Variants in HHLA1 observed in about 807,000 individuals in gnomAD.
The protein encoded by HHLA1 is HHLA1 neighbor of OC90, also known as HERV-H LTR-associating protein 1.
In HHLA1, 72 loss-of-function variants were observed where a neutral mutation model predicts 69.9. That is an observed-to-expected ratio of 1.03 (90% CI 0.85 to 1.25). The LOEUF is 1.25. Ranked by LOEUF, HHLA1 falls within the 50% of genes most tolerant of loss-of-function variation. HHLA1 has a pLI of 0.00. For synonymous variants in HHLA1, 252 were observed against 233.2 expected (o/e 1.08, Z -0.73); for missense variants, 685 against 642.2 (o/e 1.07, Z -0.72).
chr8:132,065,843 G>A, intron 16 of HHLA1, 43 bp downstream of exon 16: 1 of 931,164 alleles, frequency 1.1e-6, no homozygotes, highest in Non-Finnish European at 1.5e-6. Context: ...TTTGTGTAAT[G>A]CATTCACTGC....
At chr8:132,064,286 A>C (rs991404787) in intron 16 of HHLA1, among the ~76,000 whole-genome samples, 1 of 152,230 alleles carries the variant, frequency 6.6e-6, no homozygotes, top group Non-Finnish European at 1.5e-5. Flanking sequence ...TCACTGCCCA[A>C]TGCTCTTTTC....
chr8:132,102,258 G>T (rs994933214), intron 3 of HHLA1, among the ~76,000 whole-genome samples: 1 of 152,234 alleles, frequency 6.6e-6, no homozygotes, highest in South Asian at 2.1e-4. Flanking sequence ...GGACATTTAG[G>T]TTGCTATCTT....
rs199808141 is a variant in HHLA1 at position 132,070,585 on chromosome 8, T to TCTCAA, written c.1469+750_1469+754dup. Among the ~76,000 whole-genome samples, 10 of 152,018 alleles carry TCTCAA rather than the reference T, an allele frequency of 6.6e-5. No individual in the cohort carries two copies. The South Asian group carries it at 1.7e-3, about 25-fold the overall frequency. ...TCTAAACTCAACACAATTCAACTTA[T>TCTCAA]CTCAACTCAACTCAACTCATCTCAA... On this transcript the variant is annotated intron_variant, in intron 15 of 16. Transcript: ENST00000414222.
At chr8:132,109,731 A>G (rs1013948155) in intron 1 of HHLA1, among the ~76,000 whole-genome samples, 2 of 152,310 alleles carry the variant, frequency 1.3e-5, no homozygotes, top group East Asian at 1.9e-4. Flanking sequence ...CTCAGATACT[A>G]AAGTCCCTTG....
rs1021978865 is a variant in HHLA1, at chr8:132,071,448, G to A, written c.1361C>T (p.Pro454Leu). Residue 454 changes from proline to leucine, a missense_variant, in exon 15 of 17, where the codon CCT becomes CTT. Coordinates refer to ENST00000414222, the MANE Select transcript of HHLA1 (RefSeq NM_001145095.3). ...LFKVGAMAAAPLTLAIQRLNP... is the reference protein window; with the variant it reads ...LFKVGAMAAALLTLAIQRLNP... ...GAGCCTCTGAATAGCCAGGGTGAGA[G>A]GAGCAGCTGCCATAGCTCCCACCTT... The A allele has an allele frequency of 2.1e-5, 32 of 1,551,530 alleles. No individual in the cohort carries two copies. Among genetic ancestry groups the A allele is most frequent in the East Asian group, 4.9e-5 (2 of 40,926 alleles).
intron 7 of HHLA1, among the ~76,000 whole-genome samples, chr8:132,092,068 G>A (rs4736402): frequency 0.9 from 137,328 of 152,244 alleles, 62,249 homozygotes; most frequent in Middle Eastern, 0.95. Context: ...TGTGAAGGAT[G>A]AGGCATACTT....
chr8:132,100,006 G>A (rs1336421024), intron 4 of HHLA1, 69 bp downstream of exon 4: 4 of 1,131,354 alleles, frequency 3.5e-6, no homozygotes, highest in African/African-American at 1.5e-5. Flanking sequence ...AAAGAACAGA[G>A]GTCTAGAGAA....
At chr8:132,077,122 A>C (rs1823658799) in intron 12 of HHLA1, among the ~76,000 whole-genome samples, 1 of 152,136 alleles carries the variant, frequency 6.6e-6, no homozygotes, top group Non-Finnish European at 1.5e-5. Flanking sequence ...AAGCTCAAGC[A>C]GGCAAGTTCC....
chr8:132,080,322 G>C, intron 10 of HHLA1: 1 of 361,656 alleles, frequency 2.8e-6, no homozygotes, highest in Non-Finnish European at 5.4e-6. Flanking sequence ...CAGGCGGGCT[G>C]AGTCCGAAAA....
rs1823388584 is a variant in HHLA1 at position 132,063,611 on chromosome 8, A to G, written c.*384T>C. The G allele has an allele frequency of 6.5e-6, 1 of 154,638 alleles. No individual in the cohort carries two copies. The highest frequency in any genetic ancestry group is 1.4e-5 in the Non-Finnish European group (1 of 69,316). 9.6% of individuals were successfully genotyped at this position (154,638 alleles called of 1,614,324 possible). Reference sequence around the variant, plus strand: ...TTTAAGTCACCTCAGGTATTGTGTCAGAGTCTCCATGGCTGAACTGGTTTG... The same window carrying G: ...TTTAAGTCACCTCAGGTATTGTGTCGGAGTCTCCATGGCTGAACTGGTTTG... On this transcript the variant is annotated 3_prime_UTR_variant, in exon 17 of 17. Coordinates refer to ENST00000414222, the MANE Select transcript of HHLA1 (RefSeq NM_001145095.3).
At position 132,066,028 on chromosome 8, in the gene HHLA1, G is replaced by A. The variant is rs138904963; in HGVS notation, c.1470-60C>T. 51 of 711,024 alleles carry A rather than the reference G, an allele frequency of 7.2e-5. No homozygotes were observed. In the African/African-American group the frequency reaches 8.8e-4, roughly 12 times the overall value. 44.0% of individuals were successfully genotyped at this position (711,024 alleles called of 1,614,324 possible). A position where few individuals can be genotyped will look rare whatever the true frequency, so the allele number is the denominator to read the frequency against. On this transcript the variant is annotated intron_variant, in intron 15 of 16. Coordinates refer to ENST00000414222, the MANE Select transcript of HHLA1 (RefSeq NM_001145095.3). ...ATCCTGTGATGGCTATTAGAAGACA[G>A]CCAGAGTTTTAAAGGTAAGCACATA... is the stretch of plus-strand genomic sequence containing the variant.
chr8:132,095,123 C>T (rs1333987091), intron 7 of HHLA1, among the ~76,000 whole-genome samples: 2 of 152,132 alleles, frequency 1.3e-5, no homozygotes, highest in Non-Finnish European at 2.9e-5. Context: ...ACATTGTGCT[C>T]TTTGTATTTT....
At chr8:132,064,882 C>T (rs953831540) in intron 16 of HHLA1, among the ~76,000 whole-genome samples, 1 of 152,104 alleles carries the variant, frequency 6.6e-6, no homozygotes, top group Non-Finnish European at 1.5e-5. Context: ...TTCTTCAGGA[C>T]CCAAATGGAA....
intron 12 of HHLA1, among the ~76,000 whole-genome samples, chr8:132,077,264 G>A (rs1823661266): frequency 6.6e-6 from 1 of 152,130 alleles, no homozygotes; most frequent in African/African-American, 2.4e-5. Flanking sequence ...GGAGGAGAGT[G>A]GGCTTTGCAG....
intron 16 of HHLA1, among the ~76,000 whole-genome samples, chr8:132,064,860 T>A (rs1823408224): frequency 6.6e-6 from 1 of 152,170 alleles, no homozygotes; most frequent in African/African-American, 2.4e-5. Flanking sequence ...ATCCCAGGGA[T>A]CCCAGCTGGT....
intron 2 of HHLA1, among the ~76,000 whole-genome samples, chr8:132,104,487 GTC>G (rs1563750497): frequency 6.6e-6 from 1 of 152,178 alleles, no homozygotes; most frequent in Non-Finnish European, 1.5e-5. Flanking sequence ...GGCTGATCTA[GTC>G]TCGGGAATCT....
chr8:132,104,883 A>C (rs1441532908), intron 2 of HHLA1, among the ~76,000 whole-genome samples: 1 of 152,168 alleles, frequency 6.6e-6, no homozygotes, highest in Admixed American at 6.5e-5. Flanking sequence ...ATTGGTGGTG[A>C]ATGGGTCATG....
intron 10 of HHLA1, among the ~76,000 whole-genome samples, chr8:132,081,309 A>G (rs74454086): frequency 0.015 from 2,233 of 152,284 alleles, 45 homozygotes; most frequent in African/African-American, 0.051. Context: ...AGAAGCATCT[A>G]TACAGGAGCC....
intron 14 of HHLA1, among the ~76,000 whole-genome samples, chr8:132,072,917 A>G (rs1823572880): frequency 6.6e-6 from 1 of 152,050 alleles, no homozygotes; most frequent in South Asian, 2.1e-4. Context: ...AAAAAAAAAA[A>G]GAGTTTATTG....
Sources: gnomAD v4.1 joint callset for allele counts (sites outside exome capture counted in the v4.1 genomes callset) on GRCh38, gnomAD v4.1.1 for gene constraint, MANE v1.5 for transcripts, NCBI Gene and HGNC (gene_info 2026-07-23, HGNC 2026-07-21) for gene names.